RAPGEF5: variants seen among roughly 807,000 people sequenced by gnomAD.
RAPGEF5 encodes Rap guanine nucleotide exchange factor 5.
RAPGEF5 carries 65 observed loss-of-function variants against 125.2 expected under a neutral mutation model. The observed-to-expected ratio is 0.52, with a 90% CI of 0.43 to 0.64. The LOEUF (loss-of-function observed/expected upper bound fraction) is 0.64. Among genes scored for constraint, RAPGEF5 ranks in the 30% least tolerant of loss-of-function variants. The probability of loss-of-function intolerance (pLI) is 0.00; values close to 1 mark genes in which losing one functional copy is unlikely to be tolerated. For missense variants in RAPGEF5, 958 were observed against 1,048.1 expected (o/e 0.91, Z 1.19); for synonymous variants, 391 against 385.9 (o/e 1.01, Z -0.16).
At chr7:22,165,696 G>A (rs1784140337) in intron 12 of RAPGEF5, among the ~76,000 whole-genome samples, 1 of 152,054 alleles carries the variant, frequency 6.6e-6, no homozygotes, top group Non-Finnish European at 1.5e-5. Flanking sequence ...TTTTTTAAGA[G>A]AGATGTTACT....
intron 7 of RAPGEF5, among the ~76,000 whole-genome samples, chr7:22,251,773 G>GAAAAAAA (rs1402419694): frequency 1.2e-4 from 1 of 8,164 alleles, no homozygotes; most frequent in African/African-American, 8.4e-4. Context: ...AAGTTTCATT[G>GAAAAAAA]ACAAAAAAAA....
Position 22,141,371 on chromosome 7 carries a change from A to G in RAPGEF5, c.2187-1256T>C, listed in dbSNP as rs562530204. The stretch of plus-strand genomic sequence containing the variant: ...ACATAATACAAACCGCTGTCTCCTA[A>G]AGCTATACTGATTCCCAGCTGCATA... On this transcript the variant is annotated intron_variant, in intron 20 of 25. Transcript: ENST00000665637. Among the ~76,000 whole-genome samples the G allele has an allele frequency of 2.4e-4, 36 of 152,302 alleles. No individual in the cohort carries two copies. In the South Asian group the frequency reaches 7.3e-3, roughly 31 times the overall value.
chr7:22,194,640 A>C, intron 9 of RAPGEF5: 1 of 985,072 alleles, frequency 1.0e-6, no homozygotes, highest in Non-Finnish European at 1.2e-6. Context: ...TAGTTTTGCC[A>C]GAATATAAGC....
At position 22,171,159 on chromosome 7, in the gene RAPGEF5, T is replaced by C. The variant is rs373906554; in HGVS notation, c.1205-4011A>G. ...TGCTTCCAAAAAAGAGGCTGTCCCATTGGTATTTAGAGATATTTTTAGAAC... is the reference window on the plus strand; with the variant it reads ...TGCTTCCAAAAAAGAGGCTGTCCCACTGGTATTTAGAGATATTTTTAGAAC... On this transcript the variant is annotated intron_variant, in intron 11 of 25. Coordinates refer to ENST00000665637, the MANE Select transcript of RAPGEF5 (RefSeq NM_012294.5). Among the ~76,000 whole-genome samples the C allele has an allele frequency of 5.1e-4, 78 of 152,258 alleles. 1 individual carries two copies. The South Asian group carries it at 0.014, about 28-fold the overall frequency.
At chr7:22,310,252 G>A (rs557986566) in intron 3 of RAPGEF5, among the ~76,000 whole-genome samples, 162 bp from the exon 4 acceptor site, 35 of 152,236 alleles carry the variant, frequency 2.3e-4, no homozygotes, top group African/African-American at 7.7e-4. Flanking sequence ...TCAGATTAAA[G>A]CTCAAATATC....
chr7:22,231,065 T>G, intron 7 of RAPGEF5, 146 bp from the exon 8 acceptor site: 1 of 775,034 alleles, frequency 1.3e-6, no homozygotes, highest in Non-Finnish European at 2.1e-6. Flanking sequence ...GTTAATCAAA[T>G]GTGAAGTTAG....
intron 9 of RAPGEF5, among the ~76,000 whole-genome samples, chr7:22,212,107 G>A (rs1256097265): frequency 6.6e-6 from 1 of 151,944 alleles, no homozygotes; most frequent in African/African-American, 2.4e-5. Flanking sequence ...CCGAGTAGCT[G>A]GGACTATAGG....
chr7:22,135,086 C>T (rs1427760383), intron 23 of RAPGEF5, among the ~76,000 whole-genome samples: 3 of 152,054 alleles, frequency 2.0e-5, no homozygotes, highest in South Asian at 4.1e-4. Flanking sequence ...ATTGGGTAGA[C>T]GAGGGGCGTG....
At chr7:22,229,373 G>A (rs913848090) in intron 8 of RAPGEF5, among the ~76,000 whole-genome samples, 4 of 152,014 alleles carry the variant, frequency 2.6e-5, no homozygotes, top group Admixed American at 6.6e-5. Flanking sequence ...CATTCCCCAC[G>A]GTAACATATT....
intron 9 of RAPGEF5, among the ~76,000 whole-genome samples, chr7:22,205,474 A>C (rs1395368775): frequency 6.6e-6 from 1 of 152,232 alleles, no homozygotes; most frequent in Non-Finnish European, 1.5e-5. Flanking sequence ...CAGTTCCACA[A>C]ACACTGACTG....
At chr7:22,128,408 T>C (rs1333312170) in intron 24 of RAPGEF5, among the ~76,000 whole-genome samples, 1 of 152,198 alleles carries the variant, frequency 6.6e-6, no homozygotes, top group African/African-American at 2.4e-5. Flanking sequence ...CAGATAAAGA[T>C]AATACACTGA....
chr7:22,308,618 G>GA, intron 4 of RAPGEF5, 111 bp from the exon 5 acceptor site: 1 of 880,334 alleles, frequency 1.1e-6, no homozygotes, highest in South Asian at 2.0e-5. Flanking sequence ...TCAGGGTTAA[G>GA]ACTATAATTA....
At chr7:22,350,773 T>C (rs907164797) in intron 1 of RAPGEF5, among the ~76,000 whole-genome samples, 5 of 152,198 alleles carry the variant, frequency 3.3e-5, no homozygotes, top group Non-Finnish European at 7.3e-5. Flanking sequence ...ATTAAATGAA[T>C]CTACAGTTTC....
intron 11 of RAPGEF5, among the ~76,000 whole-genome samples, chr7:22,169,497 C>T (rs1185435450): frequency 6.6e-6 from 1 of 152,010 alleles, no homozygotes; most frequent in Non-Finnish European, 1.5e-5. Context: ...TTACAAATTA[C>T]AACATTTCTC....
chr7:22,232,510 G>A (rs1352745498), intron 7 of RAPGEF5, among the ~76,000 whole-genome samples: 1 of 152,042 alleles, frequency 6.6e-6, no homozygotes, highest in African/African-American at 2.4e-5. Flanking sequence ...AATAGAGACA[G>A]GGTTTCACCA....
At chr7:22,341,711 T>A (rs1356858144) in intron 1 of RAPGEF5, among the ~76,000 whole-genome samples, 3 of 152,134 alleles carry the variant, frequency 2.0e-5, no homozygotes, top group Non-Finnish European at 4.4e-5. Flanking sequence ...GGCTGTCAAA[T>A]CTTAAAGGTC....
chr7:22,227,623 T>C (rs928794253), intron 8 of RAPGEF5, among the ~76,000 whole-genome samples: 6 of 152,156 alleles, frequency 3.9e-5, no homozygotes, highest in Non-Finnish European at 1.5e-5. Context: ...GCAGACTGCT[T>C]GAGCCCAGGA....
intron 20 of RAPGEF5, 83 bp from the exon 21 acceptor site, chr7:22,140,198 C>G: frequency 7.9e-7 from 1 of 1,268,746 alleles, no homozygotes; most frequent in Non-Finnish European, 1.1e-6. Flanking sequence ...TGAAAAGACC[C>G]TCCTAGGCCA....
chr7:22,177,891 C>T lies in RAPGEF5; in HGVS notation c.1205-10743G>A, dbSNP rs140088984. 3.4e-3 allele frequency among the ~76,000 whole-genome samples: 510 copies of T among 152,218 alleles called. 1 individual carries two copies. Among genetic ancestry groups the T allele is most frequent in the African/African-American group, 0.012 (484 of 41,516 alleles). ...AAAATGCAGGAAAGTAACAGAATCT[C>T]CAGGTTTGGAAGCGGGAGTAGAGTC... On this transcript the variant is annotated intron_variant, in intron 11 of 25. Coordinates refer to ENST00000665637, the MANE Select transcript of RAPGEF5 (RefSeq NM_012294.5).
Sources: gnomAD v4.1 joint callset for allele counts (sites outside exome capture counted in the v4.1 genomes callset) on GRCh38, gnomAD v4.1.1 for gene constraint, MANE v1.5 for transcripts, NCBI Gene and HGNC (gene_info 2026-07-23, HGNC 2026-07-21) for gene names.